The following LARGE1 variants were observed in gnomAD, a reference collection of about 807,000 sequenced individuals.
LARGE1 encodes the protein xylosyl- and glucuronyltransferase LARGE1.
A neutral mutation model predicts 87.6 loss-of-function variants in LARGE1; 43 were observed. The ratio of observed to expected loss-of-function variants is 0.49; its 90% CI spans 0.38 to 0.63. LARGE1 has a LOEUF of 0.63. Ranked by LOEUF, LARGE1 falls within the 30% of genes least tolerant of loss-of-function variation. The probability of loss-of-function intolerance (pLI) is 0.00; values close to 1 mark genes in which losing one functional copy is unlikely to be tolerated. For missense variants in LARGE1, 802 were observed against 1,000.2 expected (o/e 0.80, Z 2.67); for synonymous variants, 434 against 394.6 (o/e 1.10, Z -1.18).
At chr22:33,370,957 TTA>T (rs963225108) in intron 9 of LARGE1, among the ~76,000 whole-genome samples, 11 of 150,084 alleles carry the variant, frequency 7.3e-5, no homozygotes, top group Admixed American at 2.7e-4. Flanking sequence ...ATTTATCATT[TTA>T]TATATGTTAT....
chr22:33,736,927 C>A (rs1351431779), intron 2 of LARGE1, among the ~76,000 whole-genome samples: 1 of 152,162 alleles, frequency 6.6e-6, no homozygotes, highest in South Asian at 2.1e-4. Flanking sequence ...GAGTTTCAGG[C>A]ATCGATGGAC....
chr22:33,207,743 C>T (rs1379133794), intron 11 of LARGE1, among the ~76,000 whole-genome samples: 1 of 152,148 alleles, frequency 6.6e-6, no homozygotes, highest in Non-Finnish European at 1.5e-5. Context: ...AAATCCACTG[C>T]TCCAACAGAT....
At chr22:33,476,781 T>C (rs1053067409) in intron 6 of LARGE1, among the ~76,000 whole-genome samples, 3 of 151,154 alleles carry the variant, frequency 2.0e-5, no homozygotes, top group African/African-American at 7.3e-5. Context: ...GACCAGATCA[T>C]AAGCAAGGAG....
intron 6 of LARGE1, among the ~76,000 whole-genome samples, chr22:33,440,477 T>A (rs760813699): frequency 2.6e-5 from 4 of 152,194 alleles, no homozygotes; most frequent in Non-Finnish European, 5.9e-5. Context: ...TAGGTGAATA[T>A]TAAAATGTTA....
chr22:33,739,489 C>CCA (rs1229088594), intron 2 of LARGE1, among the ~76,000 whole-genome samples: 1 of 152,202 alleles, frequency 6.6e-6, no homozygotes, highest in Non-Finnish European at 1.5e-5. Context: ...TGCAGCCACG[C>CCA]AAGACAATGA....
chr22:33,773,888 T>C (rs1327661558), intron 1 of LARGE1, among the ~76,000 whole-genome samples: 2 of 152,196 alleles, frequency 1.3e-5, no homozygotes, highest in Admixed American at 6.5e-5. Flanking sequence ...AATAAATTGA[T>C]TGACTATAGC....
chr22:33,569,652 C>T (rs1311322696), intron 5 of LARGE1, among the ~76,000 whole-genome samples: 1 of 152,156 alleles, frequency 6.6e-6, no homozygotes, highest in Non-Finnish European at 1.5e-5. Flanking sequence ...CCCCCACCTC[C>T]ATCCACATTC....
At chr22:33,404,953 CAA>C (rs1372020149) in intron 7 of LARGE1, among the ~76,000 whole-genome samples, 1 of 152,170 alleles carries the variant, frequency 6.6e-6, no homozygotes, top group Non-Finnish European at 1.5e-5. Flanking sequence ...ATCACGGCCA[CAA>C]AAGAGGCTCC....
intron 9 of LARGE1, among the ~76,000 whole-genome samples, chr22:33,362,785 A>G (rs2064434391): frequency 6.7e-6 from 1 of 150,096 alleles, no homozygotes; most frequent in Admixed American, 6.6e-5. Flanking sequence ...AAGTCCCTAA[A>G]CAAATTTGCT....
chr22:33,705,643 C>T lies in LARGE1; in HGVS notation c.107-54975G>A, dbSNP rs888029885. Among the ~76,000 whole-genome samples the T allele has an allele frequency of 5.9e-5, 9 of 152,326 alleles. 2 individuals are homozygous for T. The highest frequency in any genetic ancestry group is 6.5e-5 in the Admixed American group (1 of 15,300). ...ACAGAGCTGGGAGAAGAATTTAAGT[C>T]CCTAGAATCTTCCAACTCCATTGTA... On this transcript the variant is annotated intron_variant, in intron 2 of 14. Coordinates refer to ENST00000397394, the MANE Select transcript of LARGE1 (RefSeq NM_133642.5).
intron 6 of LARGE1, among the ~76,000 whole-genome samples, chr22:33,480,718 T>A (rs1189634906): frequency 6.6e-6 from 1 of 152,214 alleles, no homozygotes; most frequent in Non-Finnish European, 1.5e-5. Flanking sequence ...AAGAGTAAGT[T>A]ACTTGCAATC....
At chr22:33,718,371 A>C in intron 2 of LARGE1, among the ~76,000 whole-genome samples, 1 of 152,226 alleles carries the variant, frequency 6.6e-6, no homozygotes, top group African/African-American at 2.4e-5. Context: ...TTATGAGAGG[A>C]ACTAGATTGG....
chr22:33,122,661 T>C, the LARGE1 span, among the ~76,000 whole-genome samples: 1 of 152,144 alleles, frequency 6.6e-6, no homozygotes, highest in East Asian at 1.9e-4. Context: ...GCCCAGCCTG[T>C]TTTGTTTTTT....
At position 33,815,225 on chromosome 22, in the gene LARGE1, A is replaced by T. The variant is rs543816106; in HGVS notation, c.-82-53667T>A. Among the ~76,000 whole-genome samples, 478 of 152,270 alleles carry T rather than the reference A, an allele frequency of 3.1e-3. 9 individuals are homozygous for T. Among genetic ancestry groups the T allele is most frequent in the East Asian group, 2.7e-3 (14 of 5,172 alleles). The stretch of plus-strand genomic sequence containing the variant: ...TTCAGTTTCTCCCAGGACAGTAGTG[A>T]GACCAAAGGAGAACTGAAGAAGGGC... On this transcript the variant is annotated intron_variant, in intron 1 of 14. Coordinates refer to ENST00000397394, the MANE Select transcript of LARGE1 (RefSeq NM_133642.5).
chr22:33,524,061 G>T (rs2071748955), intron 6 of LARGE1, among the ~76,000 whole-genome samples: 1 of 152,062 alleles, frequency 6.6e-6, no homozygotes, highest in Non-Finnish European at 1.5e-5. Context: ...AGAATGCTGA[G>T]GCGGGCGGAT....
chr22:33,898,926 T>C (rs1021283221), intron 1 of LARGE1, among the ~76,000 whole-genome samples: 1 of 152,152 alleles, frequency 6.6e-6, no homozygotes, highest in Non-Finnish European at 1.5e-5. Context: ...TATAAACAAG[T>C]CCTCACGCAA....
At chr22:33,639,999 G>A (rs914161100) in intron 3 of LARGE1, among the ~76,000 whole-genome samples, 6 of 152,222 alleles carry the variant, frequency 3.9e-5, no homozygotes, top group African/African-American at 1.2e-4. Context: ...TGATAGAGGA[G>A]TTTTCAGAAA....
intron 1 of LARGE1, among the ~76,000 whole-genome samples, chr22:33,806,874 G>T (rs1160478625): frequency 6.6e-6 from 1 of 152,172 alleles, no homozygotes; most frequent in Non-Finnish European, 1.5e-5. Flanking sequence ...GCTGGGCATG[G>T]TGTCACGTGC....
chr22:33,433,212 A>G lies in LARGE1; in HGVS notation c.788-947T>C, dbSNP rs73407323. On this transcript the variant is annotated intron_variant, in intron 6 of 14. Coordinates refer to ENST00000397394, the MANE Select transcript of LARGE1 (RefSeq NM_133642.5). ...ATAGACATCTACATTTGTTTGAAAC[A>G]AAGATTCCTCCCACTGTCTTGATGC... Among the ~76,000 whole-genome samples the G allele has an allele frequency of 9.9e-3, 1,507 of 152,314 alleles. 17 individuals are homozygous for G. The highest frequency in any genetic ancestry group is 0.034 in the African/African-American group (1,400 of 41,570).
Sources: gnomAD v4.1 joint callset for allele counts (sites outside exome capture counted in the v4.1 genomes callset) on GRCh38, gnomAD v4.1.1 for gene constraint, MANE v1.5 for transcripts, NCBI Gene and HGNC (gene_info 2026-07-23, HGNC 2026-07-21) for gene names.